The following EPHA2 variants were observed in gnomAD, a reference collection of about 807,000 sequenced individuals.
The protein encoded by EPHA2 is ephrin type-A receptor 2.
In EPHA2, 54 loss-of-function variants were observed where a neutral mutation model predicts 104.9. That is an observed-to-expected ratio of 0.51 (90% CI 0.41 to 0.65). The LOEUF (loss-of-function observed/expected upper bound fraction) is 0.65. EPHA2 is among the 30% of genes least tolerant of loss of function. The probability of loss-of-function intolerance (pLI) is 0.00; values close to 1 mark genes in which losing one functional copy is unlikely to be tolerated. For missense variants in EPHA2, 1,117 were observed against 1,369.5 expected (o/e 0.82, Z 2.91); for synonymous variants, 560 against 559.1 (o/e 1.00, Z -0.02).
rs1288364650 is a variant in EPHA2 at position 16,124,622 on chromosome 1, C to T, written c.*593G>A. ...CCCTGCCACACACACACATTCTCTC[C>T]ACAAAGTACAAAATATATATTTAAA... is the stretch of plus-strand genomic sequence containing the variant. On this transcript the variant is annotated 3_prime_UTR_variant, in exon 17 of 17. Transcript: ENST00000358432. The T allele has an allele frequency of 6.5e-6, 1 of 154,110 alleles. No individual in the cohort carries two copies. Among genetic ancestry groups the T allele is most frequent in the Admixed American group, 6.4e-5 (1 of 15,662 alleles). The allele number at this position is 154,110 out of a possible 1,614,324, so 9.5% of individuals were successfully genotyped here. A position where few individuals can be genotyped will look rare whatever the true frequency, so the allele number is the denominator to read the frequency against.
chr1:16,150,566 A>G lies in EPHA2; in HGVS notation c.153+330T>C, dbSNP rs1183012513. ...CATCTTTAACCCCTTCCCTCCCAAG[A>G]GGTGGATGGGTGGTGCCAGAGATCC... On this transcript the variant is annotated intron_variant, in intron 2 of 16. Coordinates refer to ENST00000358432, the MANE Select transcript of EPHA2 (RefSeq NM_004431.5). The surrounding 1 kb of genome is among the most constrained non-coding windows in gnomAD (Gnocchi z 4.8). Among the ~76,000 whole-genome samples, 1 of 152,166 alleles carries G rather than the reference A, an allele frequency of 6.6e-6. No homozygotes were observed. Among genetic ancestry groups the G allele is most frequent in the Non-Finnish European group, 1.5e-5 (1 of 68,024 alleles).
At chr1:16,129,671 T>A in intron 15 of EPHA2, 82 bp from the exon 16 acceptor site, 1 of 1,502,470 alleles carries the variant, frequency 6.7e-7, no homozygotes, top group African/African-American at 1.4e-5. Context: ...CTAACCTGGA[T>A]GATTGACTCG....
Position 16,149,051 on chromosome 1 carries a change from TG to T in EPHA2, c.154-5del. ...TGATGTTCTGCATCAGGTCCCACTG[TG>T]GGGGGAAGATACAGGTTAGTGTGGG... On this transcript the variant is annotated splice_polypyrimidine_tract_variant and splice_region_variant and intron_variant, in intron 2 of 16. Transcript: ENST00000358432. The T allele has an allele frequency of 6.2e-7, 1 of 1,612,028 alleles. No individual in the cohort carries two copies.
In EPHA2 at chr1:16,135,622, A is replaced by T; in HGVS notation, c.1428+33T>A. 1 of 1,596,594 alleles carries T rather than the reference A, an allele frequency of 6.3e-7. No individual in the cohort carries two copies. The highest frequency in any genetic ancestry group is 8.6e-7 in the Non-Finnish European group (1 of 1,164,386). On this transcript the variant is annotated intron_variant, in intron 6 of 16. Coordinates refer to ENST00000358432, the MANE Select transcript of EPHA2 (RefSeq NM_004431.5). This position sits in a 1 kb window ranked among gnomAD's most constrained non-coding sequence, Gnocchi z 4.3. ...CCAGCCTGTCCCCTGCTGTCGGCCC[A>T]GCTAGAGCCAGCCCCGCCCCTCTGG...
chr1:16,151,741 C>A lies in EPHA2; in HGVS notation c.86-778G>T, dbSNP rs539929041. ...ACCCCTGCCCCTCACATCCTGACCA[C>A]TGCCCTGCCAGGGGTGCCAGAGGTT... On this transcript the variant is annotated intron_variant, in intron 1 of 16. Transcript: ENST00000358432. 7.7e-4 allele frequency among the ~76,000 whole-genome samples: 118 copies of A among 152,326 alleles called. 1 individual carries two copies. The highest frequency in any genetic ancestry group is 2.8e-3 in the African/African-American group (115 of 41,580).
At chr1:16,127,765 G>A (rs1183639583) in intron 16 of EPHA2, among the ~76,000 whole-genome samples, 3 of 152,182 alleles carry the variant, frequency 2.0e-5, no homozygotes, top group Admixed American at 6.5e-5. Flanking sequence ...GGTGGGGGGC[G>A]CCGAATGACT....
At chr1:16,136,266 C>A (rs2024680898) in intron 5 of EPHA2, among the ~76,000 whole-genome samples, 1 of 151,492 alleles carries the variant, frequency 6.6e-6, no homozygotes, top group African/African-American at 2.4e-5. Flanking sequence ...ATCACAGGGG[C>A]TGGCACATCA....
intron 3 of EPHA2, among the ~76,000 whole-genome samples, chr1:16,139,944 C>T (rs1293070557): frequency 6.6e-6 from 1 of 152,154 alleles, no homozygotes; most frequent in Non-Finnish European, 1.5e-5. Context: ...GACAACCTGG[C>T]CCCTAATGGC....
chr1:16,132,378 C>T lies in EPHA2; in HGVS notation c.2115G>A (p.Arg705=), dbSNP rs1264633789. Residue 705 remains arginine (R), a splice_region_variant and synonymous_variant, in exon 12 of 17, where the codon CGG becomes CGA. Transcript: ENST00000358432. ...MENGALDKFL[R]EKDGEFSVLQ... ...CGCCCCCTACAACCCACATCCTTAC[C>T]CGAAGGAACTTGTCCAGGGCCCCAT... The T allele has an allele frequency of 2.3e-5, 37 of 1,614,058 alleles. No individual in the cohort carries two copies. Among genetic ancestry groups the T allele is most frequent in the Non-Finnish European group, 3.1e-5 (37 of 1,180,040 alleles).
At position 16,135,572 on chromosome 1, in the gene EPHA2, G is replaced by T. The variant is rs1277454665; in HGVS notation, c.1428+83C>A. The T allele has an allele frequency of 4.5e-6, 6 of 1,323,250 alleles. No homozygotes were observed. Among genetic ancestry groups the T allele is most frequent in the Middle Eastern group, 1.8e-4 (1 of 5,528 alleles). 82.0% of individuals were successfully genotyped at this position (1,323,250 alleles called of 1,614,324 possible). A position where few individuals can be genotyped will look rare whatever the true frequency, so the allele number is the denominator to read the frequency against. On this transcript the variant is annotated intron_variant, in intron 6 of 16. Coordinates refer to ENST00000358432, the MANE Select transcript of EPHA2 (RefSeq NM_004431.5). This position sits in a 1 kb window ranked among gnomAD's most constrained non-coding sequence, Gnocchi z 4.3. ...AGAAGGGTGCTTCTTCAGATGGCTGGGTGGTTTGGTGATCATCTATGTGAC... is the reference window on the plus strand; with the variant it reads ...AGAAGGGTGCTTCTTCAGATGGCTGTGTGGTTTGGTGATCATCTATGTGAC...
At chr1:16,136,773 G>GAAGAAGAAGAAGAAC (rs869033211) in intron 5 of EPHA2, among the ~76,000 whole-genome samples, 67 of 146,492 alleles carry the variant, frequency 4.6e-4, no homozygotes, top group Admixed American at 9.5e-4. Context: ...AGAAGAAGAA[G>GAAGAAGAAGAAGAAC]AACTAACTTT....
At chr1:16,129,387 G>C in intron 16 of EPHA2, 47 bp downstream of exon 16, 3 of 1,600,634 alleles carry the variant, frequency 1.9e-6, no homozygotes, top group Non-Finnish European at 2.5e-6. Flanking sequence ...GCAGCCTCTG[G>C]AGTGGGAGGC....
intron 3 of EPHA2, among the ~76,000 whole-genome samples, chr1:16,142,040 C>T (rs185517752): frequency 1.2e-3 from 179 of 152,214 alleles, no homozygotes; most frequent in African/African-American, 3.6e-3. Context: ...GCATTCTAGG[C>T]GGGCAAGTGG....
chr1:16,148,723 G>A lies in EPHA2; in HGVS notation c.478C>T (p.His160Tyr). Reference protein sequence around the residue: ...ITVSSDFEARHVKLNVEERSV... With the variant: ...ITVSSDFEARYVKLNVEERSV... ...CGCTCCTCCACGTTCAGCTTCACGTGGCGTGCCTCGAAGTCGCTGCTGACG... is the reference window on the plus strand; with the variant it reads ...CGCTCCTCCACGTTCAGCTTCACGTAGCGTGCCTCGAAGTCGCTGCTGACG... The change falls in exon 3 of 17, where the codon CAC (histidine) becomes TAC (tyrosine). Residue 160 changes from histidine to tyrosine, a missense_variant. By Grantham distance (83) the His-to-Tyr change is moderately conservative (BLOSUM62 2). Around this residue, in one of 3 missense-constraint regions of EPHA2, gnomAD observed 664 missense variants for 784.8 expected, o/e 0.85. Transcript: ENST00000358432. The surrounding 1 kb of genome is among the most constrained non-coding windows in gnomAD (Gnocchi z 4.9). 1.2e-6 allele frequency: 2 copies of A among 1,613,660 alleles called. No individual in the cohort carries two copies. Among genetic ancestry groups the A allele is most frequent in the Non-Finnish European group, 1.7e-6 (2 of 1,180,044 alleles).
At chr1:16,137,793 C>A (rs2024742497) in intron 5 of EPHA2, 60 bp downstream of exon 5, 1 of 1,602,336 alleles carries the variant, frequency 6.2e-7, no homozygotes, top group East Asian at 2.2e-5. Context: ...AGATGGCCGT[C>A]CTCCTTAAGC....
intron 1 of EPHA2, 116 bp downstream of exon 1, chr1:16,155,732 T>C (rs1371006297): frequency 1.2e-6 from 1 of 845,156 alleles, no homozygotes; most frequent in East Asian, 3.4e-5. Context: ...CGGACTCCAG[T>C]TCGCCGGGAC....
intron 3 of EPHA2, among the ~76,000 whole-genome samples, chr1:16,145,100 C>T (rs1369101927): frequency 6.6e-6 from 1 of 152,238 alleles, no homozygotes; most frequent in Non-Finnish European, 1.5e-5. Flanking sequence ...TTCAGCTGAG[C>T]CACTGGCCAA....
At chr1:16,140,069 A>G (rs939152360) in intron 3 of EPHA2, among the ~76,000 whole-genome samples, 1 of 152,202 alleles carries the variant, frequency 6.6e-6, no homozygotes, top group Non-Finnish European at 1.5e-5. Flanking sequence ...CCCCTGTGTG[A>G]GCAGAGGTGC....
chr1:16,132,040 T>G (rs1001043173), intron 13 of EPHA2, 24 bp downstream of exon 13: 2 of 1,613,996 alleles, frequency 1.2e-6, no homozygotes, highest in African/African-American at 1.3e-5. Context: ...CGCTTCTCCC[T>G]TGAGGTCCCC....
Sources: gnomAD v4.1 joint callset for allele counts (sites outside exome capture counted in the v4.1 genomes callset) on GRCh38, gnomAD v4.1.1 for gene constraint, gnomAD v4.1.1 regional missense constraint, Gnocchi (gnomAD v3.1) non-coding constraint, MANE v1.5 for transcripts, NCBI Gene and HGNC (gene_info 2026-07-23, HGNC 2026-07-21) for gene names.